The following INSL4 variants were observed in gnomAD, a reference collection of about 807,000 sequenced individuals.
INSL4 encodes early placenta insulin-like peptide.
In INSL4, 7 loss-of-function variants were observed where a neutral mutation model predicts 6.5. That is an observed-to-expected ratio of 1.08 (90% CI 0.61 to 2.02). The LOEUF is 2.02. Ranked by LOEUF, INSL4 falls within the 30% of genes most tolerant of loss-of-function variation. INSL4 has a pLI of 0.00. For missense variants in INSL4, 226 were observed against 163.2 expected (o/e 1.38, Z -2.09); for synonymous variants, 82 against 65.8 (o/e 1.25, Z -1.19).
intron 1 of INSL4, 28 bp from the exon 2 acceptor site, chr9:5,233,626 C>T: frequency 6.4e-7 from 1 of 1,560,152 alleles, no homozygotes; most frequent in South Asian, 1.1e-5. Flanking sequence ...TTTTTCCTCA[C>T]CTTTCATTCC....
chr9:5,232,467 C>G (rs1360362188), intron 1 of INSL4, among the ~76,000 whole-genome samples: 1 of 151,880 alleles, frequency 6.6e-6, no homozygotes, highest in African/African-American at 2.4e-5. Context: ...TTGAAGGGGA[C>G]CAGAGACAAG....
rs1586900713 is a variant in INSL4 at position 5,234,066 on chromosome 9, C to G, written c.*189C>G. On this transcript the variant is annotated 3_prime_UTR_variant, in exon 2 of 2. Coordinates refer to ENST00000239316, the MANE Select transcript of INSL4 (RefSeq NM_002195.2). ...GGAAGTTAGATAGATGGAATAAGTT[C>G]TAGTAGTTGATAGTACAATGGGGAA... 7.2e-6 allele frequency: 4 copies of G among 559,334 alleles called. No individual in the cohort carries two copies. The highest frequency in any genetic ancestry group is 5.9e-5 in the East Asian group (2 of 33,748). The allele number at this position is 559,334 out of a possible 1,614,324, so 34.6% of individuals were successfully genotyped here. A position where few individuals can be genotyped will look rare whatever the true frequency, so the allele number is the denominator to read the frequency against.
rs931140688 is a variant in INSL4 at position 5,234,758 on chromosome 9, G to C, written c.*881G>C. On this transcript the variant is annotated 3_prime_UTR_variant, in exon 2 of 2. Coordinates refer to ENST00000239316, the MANE Select transcript of INSL4 (RefSeq NM_002195.2). ...CAGTGAGGTTCTACTAGTTGTGTTT[G>C]TTTGTTTGCAGGCTAACTGAAGCTG... The C allele has an allele frequency of 9.2e-5, 14 of 152,096 alleles. No homozygotes were observed. Among genetic ancestry groups the C allele is most frequent in the African/African-American group, 3.4e-4 (14 of 41,442 alleles). 9.4% of individuals were successfully genotyped at this position (152,096 alleles called of 1,614,324 possible). A position where few individuals can be genotyped will look rare whatever the true frequency, so the allele number is the denominator to read the frequency against.
intron 1 of INSL4, among the ~76,000 whole-genome samples, chr9:5,233,356 A>G (rs1403808241): frequency 1.3e-5 from 2 of 152,180 alleles, no homozygotes; most frequent in African/African-American, 4.8e-5. Flanking sequence ...TTATCAATCA[A>G]AACAGTGTCA....
In INSL4 at chr9:5,232,465, G is replaced by A. The variant is rs1171064683; in HGVS notation, c.196+746G>A. Reference sequence around the variant, plus strand: ...GATGACTAGAGGGGAAATTGAAGGGGACCAGAGACAAGGGAATTTCACTGT... The same window carrying A: ...GATGACTAGAGGGGAAATTGAAGGGAACCAGAGACAAGGGAATTTCACTGT... On this transcript the variant is annotated intron_variant, in intron 1 of 1. Transcript: ENST00000239316. Among the ~76,000 whole-genome samples, 8 of 152,242 alleles carry A rather than the reference G, an allele frequency of 5.3e-5. 1 individual carries two copies. Among genetic ancestry groups the A allele is most frequent in the African/African-American group, 1.2e-4 (5 of 41,546 alleles).
chr9:5,233,904 A>G lies in INSL4; in HGVS notation c.*27A>G. On this transcript the variant is annotated 3_prime_UTR_variant, in exon 2 of 2. Transcript: ENST00000239316. ...AGAGTAATCATGGACTGGACATCTC[A>G]TCCATTCTCATATGTATTCTCAATG... 7.1e-7 allele frequency: 1 copy of G among 1,398,712 alleles called. No individual in the cohort carries two copies. The highest frequency in any genetic ancestry group is 1.0e-6 in the Non-Finnish European group (1 of 985,608). The allele number at this position is 1,398,712 out of a possible 1,614,324, so 86.6% of individuals were successfully genotyped here.
chr9:5,234,150 A>G lies in INSL4; in HGVS notation c.*273A>G, dbSNP rs1332706026. The G allele has an allele frequency of 2.9e-6, 1 of 347,134 alleles. No individual in the cohort carries two copies. Among genetic ancestry groups the G allele is most frequent in the African/African-American group, 2.1e-5 (1 of 47,682 alleles). The allele number at this position is 347,134 out of a possible 1,614,324, so 21.5% of individuals were successfully genotyped here. A position where few individuals can be genotyped will look rare whatever the true frequency, so the allele number is the denominator to read the frequency against. The stretch of plus-strand genomic sequence containing the variant: ...AAATAGCTAGAAGAGAATTGTAATG[A>G]TTCCAACACAAAAAAGATGAATGTT... On this transcript the variant is annotated 3_prime_UTR_variant, in exon 2 of 2. Coordinates refer to ENST00000239316, the MANE Select transcript of INSL4 (RefSeq NM_002195.2).
Position 5,233,858 on chromosome 9 carries a change from C to T in INSL4, c.401C>T (p.Ser134Leu). The stretch of plus-strand genomic sequence containing the variant: ...GAAGTAATTTGTGACGATGGAACTT[C>T]AGTTAAATTATGTACATAGTAGAGT... ...CCEVICDDGTSVKLCT is the reference protein window; with the variant it reads ...CCEVICDDGTLVKLCT The change falls in exon 2 of 2, where the codon TCA becomes TTA. Residue 134 changes from serine (S) to leucine (L), a missense_variant. Transcript: ENST00000239316. 6.2e-7 allele frequency: 1 copy of T among 1,611,022 alleles called. No homozygotes were observed. Among genetic ancestry groups the T allele is most frequent in the Non-Finnish European group, 8.5e-7 (1 of 1,177,408 alleles).
intron 1 of INSL4, 95 bp downstream of exon 1, chr9:5,231,814 T>G: frequency 9.4e-7 from 1 of 1,069,448 alleles, no homozygotes; most frequent in South Asian, 1.6e-5. Context: ...GACTCTACTG[T>G]GGCTAGTGCC....
In INSL4 at chr9:5,231,498, C is replaced by G. The variant is rs761946591; in HGVS notation, c.-26C>G. The G allele has an allele frequency of 6.2e-6, 10 of 1,603,316 alleles. No individual in the cohort carries two copies. The highest frequency in any genetic ancestry group is 6.0e-6 in the Non-Finnish European group (7 of 1,174,606). On this transcript the variant is annotated 5_prime_UTR_variant, in exon 1 of 2. Transcript: ENST00000239316. Reference sequence around the variant, plus strand: ...GTCTCTAAAGAAAGGCTGAGAACACCCAGAACAGGAGAGTTCAGGTCCAGG... The same window carrying G: ...GTCTCTAAAGAAAGGCTGAGAACACGCAGAACAGGAGAGTTCAGGTCCAGG...
Position 5,233,901 on chromosome 9 carries a change from C to A in INSL4, c.*24C>A. ...AGTAGAGTAATCATGGACTGGACAT[C>A]TCATCCATTCTCATATGTATTCTCA... is the stretch of plus-strand genomic sequence containing the variant. On this transcript the variant is annotated 3_prime_UTR_variant, in exon 2 of 2. Coordinates refer to ENST00000239316, the MANE Select transcript of INSL4 (RefSeq NM_002195.2). The A allele has an allele frequency of 7.0e-7, 1 of 1,426,072 alleles. No individual in the cohort carries two copies. The highest frequency in any genetic ancestry group is 9.9e-7 in the Non-Finnish European group (1 of 1,010,678). 88.3% of individuals were successfully genotyped at this position (1,426,072 alleles called of 1,614,324 possible).
At position 5,234,014 on chromosome 9, in the gene INSL4, T is replaced by G. The variant is rs550887571; in HGVS notation, c.*137T>G. On this transcript the variant is annotated 3_prime_UTR_variant, in exon 2 of 2. Coordinates refer to ENST00000239316, the MANE Select transcript of INSL4 (RefSeq NM_002195.2). ...TAGTATTCACATGTTTCACTTGCTC[T>G]GTACTAATATAGTCTCTCCAAATGG... 3.1e-6 allele frequency: 2 copies of G among 649,586 alleles called. No homozygotes were observed. Among genetic ancestry groups the G allele is most frequent in the African/African-American group, 1.8e-5 (1 of 55,054 alleles). 40.2% of individuals were successfully genotyped at this position (649,586 alleles called of 1,614,324 possible).
Position 5,234,720 on chromosome 9 carries a change from T to C in INSL4, c.*843T>C, listed in dbSNP as rs1826201280. 6.6e-6 allele frequency: 1 copy of C among 152,168 alleles called. No homozygotes were observed. The highest frequency in any genetic ancestry group is 2.4e-5 in the African/African-American group (1 of 41,444). 9.4% of individuals were successfully genotyped at this position (152,168 alleles called of 1,614,324 possible). On this transcript the variant is annotated 3_prime_UTR_variant, in exon 2 of 2. Coordinates refer to ENST00000239316, the MANE Select transcript of INSL4 (RefSeq NM_002195.2). Reference sequence around the variant, plus strand: ...TCTAAATCCTAAATCAAAGAGTACATTTTATACTCTGTCAGTGAGGTTCTA... The same window carrying C: ...TCTAAATCCTAAATCAAAGAGTACACTTTATACTCTGTCAGTGAGGTTCTA...
At position 5,233,918 on chromosome 9, in the gene INSL4, G is replaced by T; in HGVS notation, c.*41G>T. On this transcript the variant is annotated 3_prime_UTR_variant, in exon 2 of 2. Transcript: ENST00000239316. ...CTGGACATCTCATCCATTCTCATATGTATTCTCAATGACAAATTCACTGAT... is the reference window on the plus strand; with the variant it reads ...CTGGACATCTCATCCATTCTCATATTTATTCTCAATGACAAATTCACTGAT... The T allele has an allele frequency of 7.4e-7, 1 of 1,348,148 alleles. No homozygotes were observed. The highest frequency in any genetic ancestry group is 1.1e-6 in the Non-Finnish European group (1 of 943,232). The allele number at this position is 1,348,148 out of a possible 1,614,324, so 83.5% of individuals were successfully genotyped here. A position where few individuals can be genotyped will look rare whatever the true frequency, so the allele number is the denominator to read the frequency against.
At chr9:5,231,743 A>T (rs376821228) in intron 1 of INSL4, 24 bp downstream of exon 1, 228 of 1,604,738 alleles carry the variant, frequency 1.4e-4, no homozygotes, top group Non-Finnish European at 1.8e-4. Flanking sequence ...ACTACCAAAC[A>T]ATCAGAATGA....
chr9:5,234,070 T>C lies in INSL4; in HGVS notation c.*193T>C, dbSNP rs948133379. 6 of 554,100 alleles carry C rather than the reference T, an allele frequency of 1.1e-5. No individual in the cohort carries two copies. The highest frequency in any genetic ancestry group is 1.9e-5 in the Non-Finnish European group (6 of 311,216). The allele number at this position is 554,100 out of a possible 1,614,324, so 34.3% of individuals were successfully genotyped here. ...GTTAGATAGATGGAATAAGTTCTAG[T>C]AGTTGATAGTACAATGGGGAAATTA... On this transcript the variant is annotated 3_prime_UTR_variant, in exon 2 of 2. Coordinates refer to ENST00000239316, the MANE Select transcript of INSL4 (RefSeq NM_002195.2).
intron 1 of INSL4, 50 bp from the exon 2 acceptor site, chr9:5,233,604 T>A (rs1204034520): frequency 6.9e-7 from 1 of 1,451,746 alleles, no homozygotes; most frequent in Admixed American, 1.8e-5. Context: ...CTGATCCTCT[T>A]TCACATGAAT....
chr9:5,233,703 A>G lies in INSL4; in HGVS notation c.246A>G (p.Thr82=). The G allele has an allele frequency of 6.2e-7, 1 of 1,613,726 alleles. No homozygotes were observed. ...AAGATGGACAAGCCTTAGGTACGAC[A>G]TCAGAATTCATTCCTAATTTGTCAC... ...NNKDGQALGT[T]SEFIPNLSPE... The change falls in exon 2 of 2, where the codon ACA becomes ACG. Residue 82 remains threonine (T), a synonymous_variant. Transcript: ENST00000239316.
chr9:5,233,733 G>C lies in INSL4; in HGVS notation c.276G>C (p.Glu92Asp). The C allele has an allele frequency of 6.2e-7, 1 of 1,613,772 alleles. No individual in the cohort carries two copies. The highest frequency in any genetic ancestry group is 1.1e-5 in the South Asian group (1 of 91,078). Residue 92 changes from glutamate to aspartate, a missense_variant, in exon 2 of 2, where the codon GAG becomes GAC. Coordinates refer to ENST00000239316, the MANE Select transcript of INSL4 (RefSeq NM_002195.2). ...TSEFIPNLSP[E>D]LKKPLSEGQP... is the part of the protein sequence containing the mutation. ...AATTCATTCCTAATTTGTCACCAGA[G>C]CTGAAGAAACCACTGTCTGAAGGGC...
Sources: gnomAD v4.1 joint callset for allele counts (sites outside exome capture counted in the v4.1 genomes callset) on GRCh38, gnomAD v4.1.1 for gene constraint, MANE v1.5 for transcripts, NCBI Gene and HGNC (gene_info 2026-07-23, HGNC 2026-07-21) for gene names.